SDK1: variants seen among roughly 807,000 people sequenced by gnomAD.
The protein encoded by SDK1 is sidekick cell adhesion molecule 1.
A neutral mutation model predicts 245.5 loss-of-function variants in SDK1; 157 were observed. The observed-to-expected ratio is 0.64, with a 90% CI of 0.56 to 0.73. SDK1 has a LOEUF of 0.73. Among genes scored for constraint, SDK1 ranks in the 30% least tolerant of loss-of-function variants. The pLI is 0.00. For synonymous variants in SDK1, 1,647 were observed against 1,278.5 expected (o/e 1.29, Z -6.15); for missense variants, 3,583 against 3,002.3 (o/e 1.19, Z -4.52).
intron 22 of SDK1, among the ~76,000 whole-genome samples, chr7:4,083,546 C>CTCCCTCCCTCCCTTCCTCCCTTCA (rs1781204443): frequency 1.1e-5 from 1 of 93,138 alleles, no homozygotes; most frequent in Non-Finnish European, 2.1e-5. Flanking sequence ...CCCTCCCTCC[C>CTCCCTCCCTCCCTTCCTCCCTTCA]TCCCTCCCTC....
intron 1 of SDK1, among the ~76,000 whole-genome samples, chr7:3,401,713 A>G (rs1482571997): frequency 2.0e-5 from 3 of 152,062 alleles, no homozygotes; most frequent in Non-Finnish European, 4.4e-5. Flanking sequence ...TTATGGAGAT[A>G]ATGCTACTGA....
chr7:3,896,854 C>T (rs1448273817), intron 5 of SDK1, among the ~76,000 whole-genome samples: 1 of 152,152 alleles, frequency 6.6e-6, no homozygotes, highest in Non-Finnish European at 1.5e-5. Context: ...AGTTTGTTTT[C>T]ACACTGCTAT....
intron 14 of SDK1, among the ~76,000 whole-genome samples, chr7:3,997,490 A>C (rs1784767309): frequency 1.3e-5 from 2 of 151,946 alleles, no homozygotes; most frequent in Non-Finnish European, 2.9e-5. Context: ...TGGAGAGGAT[A>C]GTAGCTTCTC....
chr7:4,120,929 TA>T (rs1216291142), intron 25 of SDK1, among the ~76,000 whole-genome samples: 452 of 141,236 alleles, frequency 3.2e-3, no homozygotes, highest in African/African-American at 3.3e-3. Context: ...AACACTCTTT[TA>T]AAAAAAAAAA....
At chr7:3,751,250 C>G (rs1021474833) in intron 4 of SDK1, among the ~76,000 whole-genome samples, 3 of 152,158 alleles carry the variant, frequency 2.0e-5, no homozygotes, top group Non-Finnish European at 4.4e-5. Flanking sequence ...TTCTGAAGGT[C>G]TGATGATCCT....
At chr7:3,925,401 C>G (rs533963317) in intron 5 of SDK1, among the ~76,000 whole-genome samples, 2 of 152,330 alleles carry the variant, frequency 1.3e-5, no homozygotes, top group East Asian at 3.9e-4. Flanking sequence ...CAGTCAGTGA[C>G]GCATGCTTGG....
chr7:3,869,153 CTTTTT>C (rs751723918), intron 5 of SDK1, among the ~76,000 whole-genome samples: 2 of 117,126 alleles, frequency 1.7e-5, no homozygotes, highest in African/African-American at 3.5e-5. Context: ...TTTTTCATTT[CTTTTT>C]TTTTTTTTTT....
At chr7:4,133,128 T>C (rs1348951734) in intron 28 of SDK1, among the ~76,000 whole-genome samples, 1 of 152,154 alleles carries the variant, frequency 6.6e-6, no homozygotes, top group African/African-American at 2.4e-5. Flanking sequence ...GCTGCAGCAC[T>C]TGCACCCAAT....
At chr7:4,113,821 A>G (rs1215285384) in intron 24 of SDK1, among the ~76,000 whole-genome samples, 1 of 152,244 alleles carries the variant, frequency 6.6e-6, no homozygotes, top group African/African-American at 2.4e-5. Flanking sequence ...AAAATGTATT[A>G]AAAGAAATTA....
chr7:4,072,324 T>G (rs1171039055), intron 20 of SDK1, among the ~76,000 whole-genome samples: 2 of 152,232 alleles, frequency 1.3e-5, no homozygotes, highest in Non-Finnish European at 2.9e-5. Context: ...GTTGTCCCCT[T>G]CTGTGTGTGG....
chr7:4,256,415 A>G (rs1239695608), intron 44 of SDK1, among the ~76,000 whole-genome samples: 2 of 152,232 alleles, frequency 1.3e-5, no homozygotes, highest in Non-Finnish European at 2.9e-5. Context: ...CCAAGTTTAC[A>G]GAAACGGAAT....
intron 5 of SDK1, among the ~76,000 whole-genome samples, chr7:3,853,997 A>T (rs7806494): frequency 0.27 from 40,551 of 151,516 alleles, 5,608 homozygotes; most frequent in Middle Eastern, 0.42. Context: ...CAAAAAAAAA[A>T]TTTTTTTTGG....
intron 4 of SDK1, among the ~76,000 whole-genome samples, chr7:3,671,818 A>G (rs1329145991): frequency 1.3e-5 from 2 of 152,190 alleles, no homozygotes; most frequent in African/African-American, 4.8e-5. Context: ...CCAGTGGGAA[A>G]TCTTTGAAAC....
intron 22 of SDK1, among the ~76,000 whole-genome samples, chr7:4,097,423 G>T (rs1419724259): frequency 6.6e-6 from 1 of 152,226 alleles, no homozygotes; most frequent in African/African-American, 2.4e-5. Flanking sequence ...CCCAGAACAG[G>T]GCCTGCTGCA....
intron 1 of SDK1, among the ~76,000 whole-genome samples, chr7:3,385,021 C>A (rs6462059): frequency 1.3e-4 from 20 of 151,998 alleles, no homozygotes; most frequent in Non-Finnish European, 2.9e-4. Flanking sequence ...GATGTGCTCT[C>A]TCTAGAGACA....
At chr7:3,414,096 G>A (rs2128578436) in intron 1 of SDK1, among the ~76,000 whole-genome samples, 1 of 152,208 alleles carries the variant, frequency 6.6e-6, no homozygotes, top group Non-Finnish European at 1.5e-5. Flanking sequence ...GCTATGCCTT[G>A]GAAGACATAT....
chr7:3,658,451 A>T (rs1405360195), intron 4 of SDK1, among the ~76,000 whole-genome samples: 1 of 152,048 alleles, frequency 6.6e-6, no homozygotes, highest in Admixed American at 6.6e-5. Context: ...TGAGTGGGAT[A>T]CAGCCATCTT....
At chr7:4,226,428 G>T (rs1466997996) in intron 40 of SDK1, among the ~76,000 whole-genome samples, 1 of 152,238 alleles carries the variant, frequency 6.6e-6, no homozygotes, top group Non-Finnish European at 1.5e-5. Flanking sequence ...GGGCAGCCCG[G>T]GCAGATGGTA....
In SDK1 at chr7:4,237,742, G is replaced by A. The variant is rs150012421; in HGVS notation, c.6088G>A (p.Val2030Ile). The change falls in exon 42 of 45, where the codon GTC (valine) becomes ATC (isoleucine). Residue 2030 changes from valine to isoleucine, a missense_variant. Val to Ile is a conservative substitution (Grantham distance 29, BLOSUM62 3). Transcript: ENST00000404826. ...IVILLVVFAL[V>I]LHGQNKKYKN... ...CATCCTGCTGGTGGTGTTCGCCCTC[G>A]TCCTGCACGGGCAGAATAAGAAGTA... The A allele has an allele frequency of 3.1e-5, 50 of 1,614,022 alleles. No homozygotes were observed. The highest frequency in any genetic ancestry group is 3.3e-4 in the Middle Eastern group (2 of 6,084).
Sources: allele counts gnomAD v4.1 joint callset (sites outside exome capture counted in the v4.1 genomes callset), GRCh38; gene constraint gnomAD v4.1.1; transcripts MANE v1.5; gene names NCBI Gene and HGNC (gene_info 2026-07-23, HGNC 2026-07-21).